The following CRYBG1 variants were observed in gnomAD, a reference collection of about 807,000 sequenced individuals.
CRYBG1 encodes the protein beta/gamma crystallin domain-containing protein 1.
A neutral mutation model predicts 189.2 loss-of-function variants in CRYBG1; 139 were observed. The ratio of observed to expected loss-of-function variants is 0.73; its 90% CI spans 0.64 to 0.85. The LOEUF is 0.85. Among genes scored for constraint, CRYBG1 ranks in the 40% least tolerant of loss-of-function variants. The pLI, the probability that CRYBG1 is intolerant of heterozygous loss-of-function variation, is 0.00. For missense variants in CRYBG1, 2,611 were observed against 2,675.8 expected, an observed-to-expected ratio of 0.98 and a Z score of 0.53; for synonymous variants, 1,023 against 1,017.1, an observed-to-expected ratio of 1.01 and a Z score of -0.11.
intron 1 of CRYBG1, among the ~76,000 whole-genome samples, chr6:106,437,007 C>A (rs1298457364): frequency 6.6e-6 from 1 of 151,796 alleles, no homozygotes; most frequent in African/African-American, 2.4e-5. Flanking sequence ...GTAGTCCCAA[C>A]TACTTGGGAG....
intron 2 of CRYBG1, among the ~76,000 whole-genome samples, chr6:106,453,462 G>A (rs1320122377): frequency 6.6e-6 from 1 of 151,920 alleles, no homozygotes; most frequent in East Asian, 1.9e-4. Flanking sequence ...CTTTCAAGTT[G>A]GTTTCACATT....
At chr6:106,417,406 C>A (rs1771044362) in intron 1 of CRYBG1, among the ~76,000 whole-genome samples, 3 of 152,110 alleles carry the variant, frequency 2.0e-5, no homozygotes, top group African/African-American at 7.2e-5. Flanking sequence ...CCCTACATGC[C>A]TCTCTTGACT....
rs1055485101 is a variant in CRYBG1 at position 106,527,076 on chromosome 6, G to C, written c.4413-229G>C. 2.0e-5 allele frequency among the ~76,000 whole-genome samples: 3 copies of C among 151,360 alleles called. No homozygotes were observed. In the East Asian group the frequency reaches 5.8e-4, roughly 29 times the overall value. The stretch of plus-strand genomic sequence containing the variant: ...TAGTAGCTCTATAGCATTCATATAG[G>C]TAACTCCAAAGTTCTCTAAGATCCT... On this transcript the variant is annotated intron_variant, in intron 6 of 21. Transcript: ENST00000633556.
chr6:106,374,895 A>G (rs964261606), intron 1 of CRYBG1, among the ~76,000 whole-genome samples: 8 of 152,244 alleles, frequency 5.3e-5, no homozygotes, highest in Admixed American at 2.0e-4. Context: ...TTACGACATC[A>G]GCAAAGCAGG....
At chr6:106,484,475 A>G (rs1582789393) in intron 2 of CRYBG1, among the ~76,000 whole-genome samples, 1 of 150,580 alleles carries the variant, frequency 6.6e-6, no homozygotes, top group Non-Finnish European at 1.5e-5. Flanking sequence ...GTGCCCACCC[A>G]CACCCAGCTA....
rs1339757101 is a variant in CRYBG1 at position 106,512,189 on chromosome 6, G to A, written c.1072G>A (p.Ala358Thr). 9 of 1,535,486 alleles carry A rather than the reference G, an allele frequency of 5.9e-6. No individual in the cohort carries two copies. Among genetic ancestry groups the A allele is most frequent in the Non-Finnish European group, 7.9e-6 (9 of 1,146,440 alleles). Residue 358 changes from alanine (A) to threonine (T), a missense_variant, in exon 3 of 22, where the codon GCG becomes ACG. Coordinates refer to ENST00000633556, the MANE Select transcript of CRYBG1 (RefSeq NM_001371242.2). ...AEGAAHTASS[A>T]QADCTARPKG... ...GGGCGCAGCGCACACGGCCAGCTCC[G>A]CGCAGGCAGACTGCACAGCCCGCCC...
rs143668934 is a variant in CRYBG1 at position 106,556,538 on chromosome 6, T to C, written c.5715+641T>C. On this transcript the variant is annotated intron_variant, in intron 17 of 21. Coordinates refer to ENST00000633556, the MANE Select transcript of CRYBG1 (RefSeq NM_001371242.2). Reference sequence around the variant, plus strand: ...AATGACTTCTCCCAGTTTGCCACTATGTGCTAATCCAGATTATAGTGCCCT... The same window carrying C: ...AATGACTTCTCCCAGTTTGCCACTACGTGCTAATCCAGATTATAGTGCCCT... 2.6e-3 allele frequency among the ~76,000 whole-genome samples: 397 copies of C among 152,368 alleles called. 1 individual carries two copies. Among genetic ancestry groups the C allele is most frequent in the Non-Finnish European group, 4.5e-3 (304 of 68,040 alleles).
rs1428873073 is a variant in CRYBG1 at position 106,451,648 on chromosome 6, C to G, written c.174-46C>G. On this transcript the variant is annotated intron_variant, in intron 1 of 21. Transcript: ENST00000633556. ...GCCTTTGGGTTTCTTGAGATTTTGG[C>G]ATTGTTCATAGTGTATTGACATGAC... The G allele has an allele frequency of 2.8e-6, 4 of 1,432,612 alleles. No individual in the cohort carries two copies. In the East Asian group the frequency reaches 8.0e-5, roughly 29 times the overall value. The allele number at this position is 1,432,612 out of a possible 1,614,324, so 88.7% of individuals were successfully genotyped here. A position where few individuals can be genotyped will look rare whatever the true frequency, so the allele number is the denominator to read the frequency against.
Position 106,512,941 on chromosome 6 carries a change from C to T in CRYBG1, c.1824C>T (p.Gly608=), listed in dbSNP as rs761813154. ...RAEGGRSREL[G]RAAGAPGASD... is the part of the protein sequence containing the mutation. ...AGGGAGGTCGAAGCAGAGAGCTGGGCAGAGCGGCCGGAGCGCCTGGAGCTT... is the reference window on the plus strand; with the variant it reads ...AGGGAGGTCGAAGCAGAGAGCTGGGTAGAGCGGCCGGAGCGCCTGGAGCTT... The change falls in exon 3 of 22, where the codon GGC becomes GGT. Residue 608 remains glycine (G), a synonymous_variant. Coordinates refer to ENST00000633556, the MANE Select transcript of CRYBG1 (RefSeq NM_001371242.2). The T allele has an allele frequency of 6.2e-7, 1 of 1,610,256 alleles. No homozygotes were observed. Among genetic ancestry groups the T allele is most frequent in the Non-Finnish European group, 8.5e-7 (1 of 1,178,754 alleles).
At chr6:106,498,708 C>T (rs1313708018) in intron 2 of CRYBG1, among the ~76,000 whole-genome samples, 3 of 151,962 alleles carry the variant, frequency 2.0e-5, no homozygotes, top group Non-Finnish European at 4.4e-5. Context: ...ATGACCATCT[C>T]TACTAAAAAT....
rs1340623 is a variant in CRYBG1, at chr6:106,512,124, C to G, written c.1007C>G (p.Pro336Arg). The part of the protein sequence containing the change: ...LGPRNARSQP[P>R]KGASDLPGEP... The stretch of plus-strand genomic sequence containing the variant: ...CCCCGCAACGCCCGCAGCCAGCCCC[C>G]CAAGGGCGCGTCTGATTTGCCAGGT... Residue 336 changes from proline to arginine, a missense_variant, in exon 3 of 22, where the codon CCC (proline) becomes CGC (arginine). Physicochemically the swap from Pro to Arg is moderately radical, Grantham distance 103 (BLOSUM62 -2). This residue lies in a region of CRYBG1 where 985 missense variants were observed against 924.4 expected (regional missense o/e 1.07). Transcript: ENST00000633556. 1,315,886 of 1,534,572 alleles carry G rather than the reference C, an allele frequency of 0.86. 568,458 individuals are homozygous for G. Among genetic ancestry groups the G allele is most frequent in the South Asian group, 0.92 (77,117 of 83,944 alleles).
In CRYBG1 at chr6:106,568,639, A is replaced by C; in HGVS notation, c.*73A>C. On this transcript the variant is annotated 3_prime_UTR_variant, in exon 22 of 22. Coordinates refer to ENST00000633556, the MANE Select transcript of CRYBG1 (RefSeq NM_001371242.2). ...TTCTTAAAAAGGACAATGCTGATGG[A>C]AGACCAGACTGGAAAGTGGATCGAC... 9.0e-7 allele frequency: 1 copy of C among 1,111,120 alleles called. No individual in the cohort carries two copies. Among genetic ancestry groups the C allele is most frequent in the East Asian group, 2.4e-5 (1 of 42,412 alleles). The allele number at this position is 1,111,120 out of a possible 1,614,324, so 68.8% of individuals were successfully genotyped here.
chr6:106,542,624 ATTT>A (rs1451215254), intron 10 of CRYBG1, among the ~76,000 whole-genome samples: 5 of 70,692 alleles, frequency 7.1e-5, no homozygotes, highest in South Asian at 9.1e-4. Context: ...ATTTTATTTT[ATTT>A]TATTTTATTT....
At position 106,533,379 on chromosome 6, in the gene CRYBG1, G is replaced by A. The variant is rs536399301; in HGVS notation, c.4718+3064G>A. ...GCTCAGGTCACATCTGGCCTTTCAC[G>A]CCTTGGGGAGGAGGATTTAGATTTA... On this transcript the variant is annotated intron_variant, in intron 8 of 21. Transcript: ENST00000633556. Among the ~76,000 whole-genome samples the A allele has an allele frequency of 2.0e-5, 3 of 152,362 alleles. No homozygotes were observed. In the South Asian group the frequency reaches 6.2e-4, roughly 32 times the overall value.
chr6:106,406,380 G>A (rs1189855731), intron 1 of CRYBG1, among the ~76,000 whole-genome samples: 1 of 152,188 alleles, frequency 6.6e-6, no homozygotes, highest in East Asian at 1.9e-4. Flanking sequence ...GGGCCTATGT[G>A]AAAAGACCAT....
chr6:106,405,443 G>A (rs745373435), intron 1 of CRYBG1, among the ~76,000 whole-genome samples: 65 of 152,306 alleles, frequency 4.3e-4, no homozygotes, highest in Middle Eastern at 3.4e-3. Context: ...GGGAAGGGGC[G>A]GCTGTGGGCG....
At chr6:106,506,022 G>C (rs763652610) in intron 2 of CRYBG1, among the ~76,000 whole-genome samples, 1 of 152,168 alleles carries the variant, frequency 6.6e-6, no homozygotes, top group South Asian at 2.1e-4. Flanking sequence ...CCACTTTCCT[G>C]AGTCAGATTT....
chr6:106,421,139 A>G (rs1370268923), intron 1 of CRYBG1, among the ~76,000 whole-genome samples: 1 of 152,202 alleles, frequency 6.6e-6, no homozygotes, highest in Non-Finnish European at 1.5e-5. Context: ...AGTGCAGTGC[A>G]CTTGAGGCCA....
rs548299745 is a variant in CRYBG1, at chr6:106,560,783, G to A, written c.5856-20G>A. On this transcript the variant is annotated intron_variant, in intron 18 of 21. Transcript: ENST00000633556. ...TGTCAAATGAAAATTGCCACTTACT[G>A]TGGTTATTTTTGTTTTCAGATGGGT... is the stretch of plus-strand genomic sequence containing the variant. 3.1e-6 allele frequency: 5 copies of A among 1,595,264 alleles called. No individual in the cohort carries two copies. The South Asian group carries it at 5.7e-5, about 18-fold the overall frequency.
Sources: allele counts gnomAD v4.1 joint callset (sites outside exome capture counted in the v4.1 genomes callset), GRCh38; gene constraint gnomAD v4.1.1; regional missense constraint gnomAD v4.1.1; transcripts MANE v1.5; gene names NCBI Gene and HGNC (gene_info 2026-07-23, HGNC 2026-07-21).